The following SLC24A1 variants were observed in gnomAD, a reference collection of about 807,000 sequenced individuals.
SLC24A1 encodes the protein sodium/potassium/calcium exchanger 1.
Under a neutral mutation model 88.1 loss-of-function variants are expected in SLC24A1, and 52 were observed. The ratio of observed to expected loss-of-function variants is 0.59; its 90% CI spans 0.47 to 0.74. SLC24A1 has a LOEUF of 0.74. Among genes scored for constraint, SLC24A1 ranks in the 30% least tolerant of loss-of-function variants. The pLI is 0.00. For synonymous variants in SLC24A1, 455 were observed against 498.0 expected, an observed-to-expected ratio of 0.91 and a Z score of 1.15; for missense variants, 1,173 against 1,363.3, an observed-to-expected ratio of 0.86 and a Z score of 2.20.
chr15:65,637,762 G>C (rs1270503905), intron 2 of SLC24A1, among the ~76,000 whole-genome samples: 3 of 152,200 alleles, frequency 2.0e-5, no homozygotes, highest in Non-Finnish European at 2.9e-5. Flanking sequence ...CCAGAGGAAG[G>C]TGACACTTAA....
chr15:65,654,586 G>A lies in SLC24A1; in HGVS notation c.*507G>A, dbSNP rs2075613250. 1 of 1,210,438 alleles carries A rather than the reference G, an allele frequency of 8.3e-7. No individual in the cohort carries two copies. The highest frequency in any genetic ancestry group is 6.0e-5 in the East Asian group (1 of 16,564). 75.0% of individuals were successfully genotyped at this position (1,210,438 alleles called of 1,614,324 possible). On this transcript the variant is annotated 3_prime_UTR_variant, in exon 10 of 10. Transcript: ENST00000261892. Reference sequence around the variant, plus strand: ...AGGTTCTATCAGGTTTGTAATCACTGTAGCTTCAGTTATTGGTGAGTCTAA... The same window carrying A: ...AGGTTCTATCAGGTTTGTAATCACTATAGCTTCAGTTATTGGTGAGTCTAA...
At position 65,653,969 on chromosome 15, in the gene SLC24A1, T is replaced by G. The variant is rs1331823463; in HGVS notation, c.3190T>G (p.Trp1064Gly). The change falls in exon 10 of 10, where the codon TGG (tryptophan) becomes GGG (glycine). Residue 1064 changes from tryptophan to glycine, a missense_variant. Transcript: ENST00000261892. ...FVISSIASCK[W>G]RMNKILGFTM... Reference sequence around the variant, plus strand: ...GATCTCTTCAATTGCGTCATGTAAATGGAGAATGAACAAGATCCTGGGCTT... The same window carrying G: ...GATCTCTTCAATTGCGTCATGTAAAGGGAGAATGAACAAGATCCTGGGCTT... The G allele has an allele frequency of 6.2e-7, 1 of 1,614,018 alleles. No individual in the cohort carries two copies. The highest frequency in any genetic ancestry group is 1.7e-5 in the Admixed American group (1 of 60,026).
chr15:65,624,912 A>G lies in SLC24A1; in HGVS notation c.832A>G (p.Lys278Glu), dbSNP rs771686207. ...VLTSPRSVMEKNNLFPPRRVE... is the reference protein window; with the variant it reads ...VLTSPRSVMEENNLFPPRRVE... Reference sequence around the variant, plus strand: ...GACTTCTCCAAGGAGCGTCATGGAAAAAAACAACCTGTTTCCCCCCAGAAG... The same window carrying G: ...GACTTCTCCAAGGAGCGTCATGGAAGAAAACAACCTGTTTCCCCCCAGAAG... The change falls in exon 2 of 10, where the codon AAA (lysine) becomes GAA (glutamate). Residue 278 changes from lysine (K) to glutamate (E), a missense_variant. Coordinates refer to ENST00000261892, the MANE Select transcript of SLC24A1 (RefSeq NM_004727.3). The G allele has an allele frequency of 3.1e-6, 5 of 1,613,474 alleles. No individual in the cohort carries two copies. The highest frequency in any genetic ancestry group is 4.2e-6 in the Non-Finnish European group (5 of 1,179,742).
At position 65,625,011 on chromosome 15, in the gene SLC24A1, G is replaced by C. The variant is rs34363823; in HGVS notation, c.931G>C (p.Val311Leu). The C allele has an allele frequency of 8.0e-3, 12,838 of 1,612,910 alleles. 145 individuals are homozygous for C. The highest frequency in any genetic ancestry group is 0.036 in the South Asian group (3,300 of 91,036). Residue 311 changes from valine (V) to leucine (L), a missense_variant, in exon 2 of 10, where the codon GTC (valine) becomes CTC (leucine). Coordinates refer to ENST00000261892, the MANE Select transcript of SLC24A1 (RefSeq NM_004727.3). ...CAACCCGAAGACTCCCCAGGGAACA[G>C]TCCTGTTGCATACCCCAGCCACCTC... ...KSNPKTPQGT[V>L]LLHTPATSEG...
At chr15:65,623,334 A>T (rs1193249899) in intron 1 of SLC24A1, among the ~76,000 whole-genome samples, 1 of 152,188 alleles carries the variant, frequency 6.6e-6, no homozygotes, top group Non-Finnish European at 1.5e-5. Context: ...GCTGGTAAGC[A>T]GCAGAACAGG....
At chr15:65,626,236 A>G (rs1219763439) in intron 2 of SLC24A1, among the ~76,000 whole-genome samples, 1 of 152,206 alleles carries the variant, frequency 6.6e-6, no homozygotes, top group Non-Finnish European at 1.5e-5. Context: ...ACCGAAGCCC[A>G]AAGAAGTTAA....
intron 2 of SLC24A1, among the ~76,000 whole-genome samples, chr15:65,612,982 C>T (rs902695564): frequency 6.6e-6 from 1 of 152,146 alleles, no homozygotes. Flanking sequence ...TTTGTTTTTC[C>T]TCCTTAGTGG....
chr15:65,637,715 A>G (rs1485901555), intron 2 of SLC24A1, among the ~76,000 whole-genome samples: 1 of 152,200 alleles, frequency 6.6e-6, no homozygotes, highest in Non-Finnish European at 1.5e-5. Flanking sequence ...AGTGAAGGAA[A>G]AGAACAGGGG....
exon 1 of SLC24A1, chr15:65,611,571 C>T: frequency 4.2e-6 from 1 of 237,960 alleles, no homozygotes. Context: ...CTATTTTCCT[C>T]GTCACTCTTT....
chr15:65,636,452 C>T (rs537826337), intron 2 of SLC24A1, among the ~76,000 whole-genome samples: 10 of 152,060 alleles, frequency 6.6e-5, no homozygotes, highest in East Asian at 3.9e-4. Context: ...TGTCGTAGTA[C>T]GCACCTGTAG....
intron 6 of SLC24A1, among the ~76,000 whole-genome samples, chr15:65,648,195 G>C (rs1457196698): frequency 6.6e-6 from 1 of 152,118 alleles, no homozygotes; most frequent in Non-Finnish European, 1.5e-5. Flanking sequence ...GGGAGGCGGA[G>C]CTTGCAGTGA....
chr15:65,642,776 T>A lies in SLC24A1; in HGVS notation c.2054-1651T>A, dbSNP rs1023517694. 3 of 337,224 alleles carry A rather than the reference T, an allele frequency of 8.9e-6. No individual in the cohort carries two copies. In the Admixed American group the frequency reaches 1.2e-4, roughly 13 times the overall value. 20.9% of individuals were successfully genotyped at this position (337,224 alleles called of 1,614,324 possible). ...CAGAGCCAGCTGCAGCTGAACTAACTGAGAGTTTAGGAGACAGGTAGAGAG... is the reference window on the plus strand; with the variant it reads ...CAGAGCCAGCTGCAGCTGAACTAACAGAGAGTTTAGGAGACAGGTAGAGAG... On this transcript the variant is annotated intron_variant, in intron 4 of 9. Coordinates refer to ENST00000261892, the MANE Select transcript of SLC24A1 (RefSeq NM_004727.3).
intron 6 of SLC24A1, among the ~76,000 whole-genome samples, chr15:65,648,731 A>G (rs2075394726): frequency 6.6e-6 from 1 of 151,794 alleles, no homozygotes; most frequent in East Asian, 1.9e-4. Flanking sequence ...CAAACTCCTG[A>G]CCTCATGATC....
rs925087648 is a variant in SLC24A1, at chr15:65,616,814, G to C, written c.-227-2066G>C. Among the ~76,000 whole-genome samples the C allele has an allele frequency of 7.9e-5, 12 of 152,166 alleles. 1 individual carries two copies. The highest frequency in any genetic ancestry group is 2.9e-4 in the African/African-American group (12 of 41,434). On this transcript the variant is annotated intron_variant, in intron 2 of 11. Transcript: ENST00000537259. ...AAGTCCTTGGCCATGCCTATGTCCTGAATGGTATTGCCTAGGTTTTCTTCT... is the reference window on the plus strand; with the variant it reads ...AAGTCCTTGGCCATGCCTATGTCCTCAATGGTATTGCCTAGGTTTTCTTCT...
At chr15:65,636,433 C>T (rs969653888) in intron 2 of SLC24A1, among the ~76,000 whole-genome samples, 1 of 151,934 alleles carries the variant, frequency 6.6e-6, no homozygotes, top group African/African-American at 2.4e-5. Flanking sequence ...AATACAAAAA[C>T]TAGCCGGGTG....
At position 65,624,249 on chromosome 15, in the gene SLC24A1, C is replaced by T; in HGVS notation, c.169C>T (p.His57Tyr). The T allele has an allele frequency of 6.2e-7, 1 of 1,613,896 alleles. No homozygotes were observed. The highest frequency in any genetic ancestry group is 8.5e-7 in the Non-Finnish European group (1 of 1,179,860). ...CTCATTGTGGGCAGCAGTCTCTTCTCATCAGCCTATAAAACTGGCCAGTCG... is the reference window on the plus strand; with the variant it reads ...CTCATTGTGGGCAGCAGTCTCTTCTTATCAGCCTATAAAACTGGCCAGTCG... ...LSSLWAAVSSHQPIKLASRDL... is the reference protein window; with the variant it reads ...LSSLWAAVSSYQPIKLASRDL... Residue 57 changes from histidine to tyrosine, a missense_variant, in exon 2 of 10, where the codon CAT (histidine) becomes TAT (tyrosine). By Grantham distance (83) the His-to-Tyr change is moderately conservative. Transcript: ENST00000261892.
intron 2 of SLC24A1, 73 bp from the exon 3 acceptor site, chr15:65,638,055 C>A (rs969956533): frequency 1.9e-6 from 2 of 1,050,426 alleles, no homozygotes; most frequent in Non-Finnish European, 1.5e-6. Context: ...TGAGGACTTC[C>A]GTGGAGAAAG....
At chr15:65,620,712 A>G (rs972622896), upstream of SLC24A1, among the ~76,000 whole-genome samples, 3 of 152,210 alleles carry the variant, frequency 2.0e-5, no homozygotes, top group African/African-American at 7.2e-5. Context: ...TTTTCTGAGG[A>G]TTTCCTTCTC....
chr15:65,611,400 T>C, upstream of SLC24A1: 1 of 589,434 alleles, frequency 1.7e-6, no homozygotes, highest in East Asian at 2.8e-5. Context: ...GCCGTGTCTC[T>C]CTGCATTGCC....
Sources: allele counts gnomAD v4.1 joint callset (sites outside exome capture counted in the v4.1 genomes callset), GRCh38; gene constraint gnomAD v4.1.1; transcripts MANE v1.5; gene names NCBI Gene and HGNC (gene_info 2026-07-23, HGNC 2026-07-21).